The following STARD13 variants were observed in gnomAD, a reference collection of about 807,000 sequenced individuals.
STARD13 encodes stAR-related lipid transfer protein 13.
Under a neutral mutation model 106.4 loss-of-function variants are expected in STARD13, and 62 were observed. The ratio of observed to expected loss-of-function variants is 0.58; its 90% CI spans 0.48 to 0.72. STARD13 has a LOEUF of 0.72. STARD13 is among the 30% of genes least tolerant of loss of function. STARD13 has a pLI of 0.00. For synonymous variants in STARD13, 565 were observed against 553.0 expected (o/e 1.02, Z -0.31); for missense variants, 1,387 against 1,424.0 (o/e 0.97, Z 0.42).
the STARD13 span, among the ~76,000 whole-genome samples, chr13:33,422,392 A>G: frequency 6.6e-6 from 1 of 152,328 alleles, no homozygotes; most frequent in East Asian, 1.9e-4. Flanking sequence ...TTTACAAAGG[A>G]TGGGAAGGAT....
chr13:33,663,506 T>C, the STARD13 span, among the ~76,000 whole-genome samples: 1 of 152,182 alleles, frequency 6.6e-6, no homozygotes, highest in African/African-American at 2.4e-5. Flanking sequence ...ATTTTAAAAA[T>C]ATAAGGAAAC....
intron 1 of STARD13, among the ~76,000 whole-genome samples, chr13:33,332,445 AT>A (rs1252580571): frequency 6.6e-6 from 1 of 152,084 alleles, no homozygotes; most frequent in East Asian, 1.9e-4. Context: ...GCTCTGGTAA[AT>A]GGGATTAGTG....
At chr13:33,248,122 G>A (rs751300177) in intron 1 of STARD13, among the ~76,000 whole-genome samples, 4 of 152,162 alleles carry the variant, frequency 2.6e-5, no homozygotes, top group African/African-American at 9.7e-5. Context: ...GAAGAAGGCT[G>A]GGCATGGTGG....
chr13:33,564,226 AAG>A, the STARD13 span, among the ~76,000 whole-genome samples: 7 of 144,068 alleles, frequency 4.9e-5, no homozygotes, highest in South Asian at 6.5e-4. Flanking sequence ...AAAAAAAAAA[AAG>A]AAAAGATCTG....
intron 1 of STARD13, among the ~76,000 whole-genome samples, chr13:33,342,300 T>C (rs1306288414): frequency 2.6e-5 from 4 of 152,230 alleles, no homozygotes; most frequent in African/African-American, 9.6e-5. Flanking sequence ...GGCCAAGTCC[T>C]GCCAAAAGTA....
At chr13:33,528,169 T>TTATATATATA in the STARD13 span, among the ~76,000 whole-genome samples, 47 of 129,046 alleles carry the variant, frequency 3.6e-4, no homozygotes, top group African/African-American at 1.1e-3. Flanking sequence ...TAAGCTAATA[T>TTATATATATA]TATATATATA....
chr13:33,625,337 C>T, the STARD13 span, among the ~76,000 whole-genome samples: 3 of 151,760 alleles, frequency 2.0e-5, no homozygotes, highest in African/African-American at 7.2e-5. Context: ...TTTGGGAGGC[C>T]GAGGCGGGCA....
intron 11 of STARD13, 36 bp from the exon 12 acceptor site, chr13:33,110,126 T>A: frequency 6.3e-7 from 1 of 1,597,662 alleles, no homozygotes; most frequent in Non-Finnish European, 8.6e-7. Context: ...GAAGAGGTTG[T>A]CTGGGATATG....
the STARD13 span, among the ~76,000 whole-genome samples, chr13:33,396,284 C>G: frequency 6.6e-6 from 1 of 152,202 alleles, no homozygotes; most frequent in Non-Finnish European, 1.5e-5. Flanking sequence ...GCATGAGCCA[C>G]GGTGTCCAAC....
At chr13:33,319,158 TGATAAACA>T (rs1156760332) in intron 1 of STARD13, among the ~76,000 whole-genome samples, 1 of 152,220 alleles carries the variant, frequency 6.6e-6, no homozygotes, top group Non-Finnish European at 1.5e-5. Context: ...GTCCATCTAC[TGATAAACA>T]GATAAACAAA....
At position 33,129,406 on chromosome 13, in the gene STARD13, A is replaced by G; in HGVS notation, c.1271T>C (p.Val424Ala). 4 of 1,613,988 alleles carry G rather than the reference A, an allele frequency of 2.5e-6. No individual in the cohort carries two copies. The highest frequency in any genetic ancestry group is 1.3e-5 in the African/African-American group (1 of 74,990). The change falls in exon 5 of 14, where the codon GTT becomes GCT. Residue 424 changes from valine (V) to alanine (A), a missense_variant. Coordinates refer to ENST00000336934, the MANE Select transcript of STARD13 (RefSeq NM_178006.4). Reference protein sequence around the residue: ...SLSPTDSSNGVNWRTGSISLG... With the variant: ...SLSPTDSSNGANWRTGSISLG... ...GGAGATGCTACCGGTCCTCCAATTA[A>G]CCCCATTGCTACTATCTGTGGGAGA...
chr13:33,466,229 T>C, the STARD13 span, among the ~76,000 whole-genome samples: 1 of 152,190 alleles, frequency 6.6e-6, no homozygotes, highest in Non-Finnish European at 1.5e-5. Flanking sequence ...TAATGTAAAA[T>C]GAATGTTTTA....
chr13:33,383,360 C>T, the STARD13 span, among the ~76,000 whole-genome samples: 1 of 152,006 alleles, frequency 6.6e-6, no homozygotes, highest in Non-Finnish European at 1.5e-5. Context: ...ACCTGGGCAA[C>T]AATGTGAGAC....
upstream of STARD13, among the ~76,000 whole-genome samples, chr13:33,354,887 A>AT (rs1205858768): frequency 1.3e-5 from 2 of 151,698 alleles, no homozygotes; most frequent in Admixed American, 1.3e-4. Flanking sequence ...TTTCCTTTTT[A>AT]TTTTTTTCCT....
At chr13:33,432,631 A>G in the STARD13 span, among the ~76,000 whole-genome samples, 17 of 152,222 alleles carry the variant, frequency 1.1e-4, no homozygotes, top group African/African-American at 3.9e-4. Flanking sequence ...ATATTTATTT[A>G]TATGAAAATC....
intron 1 of STARD13, among the ~76,000 whole-genome samples, chr13:33,172,588 C>T (rs1054919312): frequency 1.3e-5 from 2 of 152,184 alleles, no homozygotes; most frequent in Non-Finnish European, 2.9e-5. Flanking sequence ...TATTTTTAAG[C>T]TGGTGTGTCT....
chr13:33,400,207 A>G, the STARD13 span, among the ~76,000 whole-genome samples: 2 of 152,190 alleles, frequency 1.3e-5, no homozygotes, highest in East Asian at 1.9e-4. Context: ...GGTTCCGTAT[A>G]TAAGTTAGAG....
At chr13:33,256,677 A>C (rs1189583311) in intron 1 of STARD13, among the ~76,000 whole-genome samples, 6 of 152,234 alleles carry the variant, frequency 3.9e-5, no homozygotes, top group Admixed American at 3.9e-4. Flanking sequence ...TCAGTTCAAA[A>C]TGACTGCAAA....
At chr13:33,458,883 C>T in the STARD13 span, among the ~76,000 whole-genome samples, 264 of 139,472 alleles carry the variant, frequency 1.9e-3, no homozygotes, top group Middle Eastern at 8.8e-3. Context: ...TGCAGTGGTG[C>T]AATCTGGGCT....
Sources: allele counts gnomAD v4.1 joint callset (sites outside exome capture counted in the v4.1 genomes callset), GRCh38; gene constraint gnomAD v4.1.1; transcripts MANE v1.5; gene names NCBI Gene and HGNC (gene_info 2026-07-23, HGNC 2026-07-21).